PHKB: variants seen among roughly 807,000 people sequenced by gnomAD.
PHKB encodes phosphorylase kinase regulatory subunit beta, also known as phosphorylase b kinase regulatory subunit beta.
Under a neutral mutation model 152.1 loss-of-function variants are expected in PHKB, and 122 were observed. The observed-to-expected ratio is 0.80, with a 90% CI of 0.69 to 0.93. The LOEUF is 0.93. Among genes scored for constraint, PHKB ranks in the 40% least tolerant of loss-of-function variants. The pLI is 0.00. For synonymous variants in PHKB, 436 were observed against 464.9 expected (o/e 0.94, Z 0.80); for missense variants, 1,304 against 1,328.4 (o/e 0.98, Z 0.29).
chr16:47,561,277 C>G (rs977385711), intron 7 of PHKB: 1 of 152,140 alleles, frequency 6.6e-6, no homozygotes, highest in Non-Finnish European at 1.5e-5. Flanking sequence ...TCCAGATGGG[C>G]CTGGGCATCA....
At chr16:47,650,344 A>G (rs571505636) in intron 18 of PHKB, among the ~76,000 whole-genome samples, 200 bp from the exon 19 acceptor site, 11 of 152,350 alleles carry the variant, frequency 7.2e-5, no homozygotes, top group African/African-American at 2.2e-4. Flanking sequence ...GTTGAACTCA[A>G]AGTGGTGTTC....
chr16:47,644,432 T>C (rs1474349970), intron 16 of PHKB, among the ~76,000 whole-genome samples: 2 of 152,178 alleles, frequency 1.3e-5, no homozygotes, highest in African/African-American at 4.8e-5. Flanking sequence ...TCTACAGGAA[T>C]GTACAATTCG....
At chr16:47,650,152 C>T (rs1221261901) in intron 18 of PHKB, among the ~76,000 whole-genome samples, 1 of 152,076 alleles carries the variant, frequency 6.6e-6, no homozygotes, top group African/African-American at 2.4e-5. Context: ...TGGCTCATAC[C>T]TGTAATCCCA....
At chr16:47,548,618 A>G (rs1971216405) in intron 7 of PHKB, among the ~76,000 whole-genome samples, 1 of 152,066 alleles carries the variant, frequency 6.6e-6, no homozygotes. Context: ...AAAAAAAAAA[A>G]AAAAGAAACA....
At chr16:47,603,307 T>G (rs1017512987) in intron 13 of PHKB, among the ~76,000 whole-genome samples, 1 of 152,186 alleles carries the variant, frequency 6.6e-6, no homozygotes, top group Admixed American at 6.5e-5. Flanking sequence ...GCTAAGAGAT[T>G]TCCCAGTTGT....
At position 47,544,891 on chromosome 16, in the gene PHKB, T is replaced by C. The variant is rs538080253; in HGVS notation, c.595-2542T>C. Among the ~76,000 whole-genome samples the C allele has an allele frequency of 3.1e-4, 47 of 152,334 alleles. 1 individual carries two copies. The South Asian group carries it at 9.1e-3, about 30-fold the overall frequency. ...TTGATCTTTGTTGGTTTAAAGTCTG[T>C]TTTATCAGAGACTAGGATTGCAACC... On this transcript the variant is annotated intron_variant, in intron 6 of 30. Coordinates refer to ENST00000323584, the MANE Select transcript of PHKB (RefSeq NM_000293.3).
Position 47,666,548 on chromosome 16 carries a change from C to T in PHKB, c.2427+1573C>T, listed in dbSNP as rs144735958. On this transcript the variant is annotated intron_variant, in intron 25 of 30. Coordinates refer to ENST00000323584, the MANE Select transcript of PHKB (RefSeq NM_000293.3). ...ACTCTGTCACCTCCTCCTCACGGAG[C>T]CATCTCCAGTTAGCAGTGGTCTCTC... 3.1e-3 allele frequency among the ~76,000 whole-genome samples: 470 copies of T among 152,358 alleles called. 2 individuals are homozygous for T. The highest frequency in any genetic ancestry group is 0.011 in the African/African-American group (448 of 41,594).
chr16:47,478,048 T>A (rs1969899381), intron 1 of PHKB, among the ~76,000 whole-genome samples: 1 of 152,142 alleles, frequency 6.6e-6, no homozygotes, highest in Non-Finnish European at 1.5e-5. Flanking sequence ...CTAGAGTAAG[T>A]TTCAGAATAA....
At chr16:47,621,696 T>C (rs528562624) in intron 14 of PHKB, among the ~76,000 whole-genome samples, 115 of 152,338 alleles carry the variant, frequency 7.5e-4, no homozygotes, top group African/African-American at 2.7e-3. Flanking sequence ...GAAGTTCTTA[T>C]GATTATCTTA....
rs200889741 is a variant in PHKB at position 47,650,801 on chromosome 16, C to T, written c.1881-30C>T. The T allele has an allele frequency of 1.3e-5, 20 of 1,496,596 alleles. No homozygotes were observed. The Admixed American group carries it at 3.0e-4, about 23-fold the overall frequency. 92.7% of individuals were successfully genotyped at this position (1,496,596 alleles called of 1,614,324 possible). A position where few individuals can be genotyped will look rare whatever the true frequency, so the allele number is the denominator to read the frequency against. On this transcript the variant is annotated intron_variant, in intron 19 of 30. Transcript: ENST00000323584. ...ATTAATTTACCATTCTGTTGTTAAT[C>T]TGTACATTTTGTTTATTTATATTTT... is the stretch of plus-strand genomic sequence containing the variant.
At chr16:47,511,403 A>G (rs1191023168) in intron 4 of PHKB, among the ~76,000 whole-genome samples, 1 of 152,222 alleles carries the variant, frequency 6.6e-6, no homozygotes, top group Non-Finnish European at 1.5e-5. Context: ...TGCAAAAGCC[A>G]TTGCTACTAC....
intron 7 of PHKB, among the ~76,000 whole-genome samples, chr16:47,568,172 C>A (rs1200625485): frequency 6.6e-6 from 1 of 152,038 alleles, no homozygotes; most frequent in Non-Finnish European, 1.5e-5. Flanking sequence ...TAGTCTTTAT[C>A]TTGTTGGGAG....
Position 47,547,475 on chromosome 16 carries a change from T to C in PHKB, c.637T>C (p.Tyr213His). Residue 213 changes from tyrosine to histidine, a missense_variant, in exon 7 of 31, where the codon TAC becomes CAC. Coordinates refer to ENST00000323584, the MANE Select transcript of PHKB (RefSeq NM_000293.3). ...CCTTGTATTTTGTGTGGAAAGAGTT[T>C]ACCGTGTGCCTGACTTTGGTGTCTG... Reference protein sequence around the residue: ...QNLVFCVERVYRVPDFGVWER... With the variant: ...QNLVFCVERVHRVPDFGVWER... 1 of 1,612,970 alleles carries C rather than the reference T, an allele frequency of 6.2e-7. No homozygotes were observed. Among genetic ancestry groups the C allele is most frequent in the Non-Finnish European group, 8.5e-7 (1 of 1,178,980 alleles).
chr16:47,529,374 A>T (rs1445120259), intron 6 of PHKB: 5 of 143,092 alleles, frequency 3.5e-5, no homozygotes, highest in Non-Finnish European at 7.5e-5. Flanking sequence ...TTGGAGACAG[A>T]GTCTTGCTCT....
At chr16:47,605,642 A>G (rs751726674) in intron 13 of PHKB, among the ~76,000 whole-genome samples, 6 of 152,182 alleles carry the variant, frequency 3.9e-5, no homozygotes, top group Non-Finnish European at 7.3e-5. Context: ...ATCATGAGCT[A>G]AACTGAAATT....
chr16:47,625,396 T>C (rs1972691456), intron 14 of PHKB, among the ~76,000 whole-genome samples: 1 of 152,226 alleles, frequency 6.6e-6, no homozygotes, highest in Non-Finnish European at 1.5e-5. Context: ...GAAAGCCAAA[T>C]GCCTTGTTGC....
At chr16:47,680,314 C>T (rs915252650) in intron 26 of PHKB, among the ~76,000 whole-genome samples, 7 of 152,142 alleles carry the variant, frequency 4.6e-5, no homozygotes, top group African/African-American at 1.4e-4. Flanking sequence ...CCCTCTTTTT[C>T]TATTGATTGG....
At chr16:47,588,848 GC>G in intron 9 of PHKB, 56 bp from the exon 10 acceptor site, 1 of 1,415,340 alleles carries the variant, frequency 7.1e-7, no homozygotes, top group Non-Finnish European at 1.0e-6. Context: ...TTCTCCTTGG[GC>G]TGTGTTGATC....
intron 7 of PHKB, among the ~76,000 whole-genome samples, chr16:47,578,061 C>T (rs913777492): frequency 6.6e-6 from 1 of 152,052 alleles, no homozygotes; most frequent in African/African-American, 2.4e-5. Context: ...GTTGTTCTGT[C>T]TTCCAGTTTG....
Sources: gnomAD v4.1 joint callset for allele counts (sites outside exome capture counted in the v4.1 genomes callset) on GRCh38, gnomAD v4.1.1 for gene constraint, MANE v1.5 for transcripts, NCBI Gene and HGNC (gene_info 2026-07-23, HGNC 2026-07-21) for gene names.